Variants in SPAG17 observed in about 807,000 individuals in gnomAD.
SPAG17 encodes sperm-associated antigen 17.
A neutral mutation model predicts 273.6 loss-of-function variants in SPAG17; 169 were observed. That is an observed-to-expected ratio of 0.62 (90% confidence interval 0.55 to 0.70). The LOEUF (loss-of-function observed/expected upper bound fraction) is 0.70, where lower values mean the gene tolerates loss of function less well. SPAG17 is among the 30% of genes least tolerant of loss of function. SPAG17 has a pLI of 0.00. For missense variants in SPAG17, 2,557 were observed against 2,627.8 expected (o/e 0.97, Z 0.59); for synonymous variants, 825 against 873.2 (o/e 0.94, Z 0.97).
intron 20 of SPAG17, among the ~76,000 whole-genome samples, chr1:118,045,842 G>A (rs1364471267): frequency 6.6e-6 from 1 of 152,072 alleles, no homozygotes; most frequent in Non-Finnish European, 1.5e-5. Flanking sequence ...GTTGGTGTTC[G>A]GAAAGTTGCA....
At chr1:118,119,043 A>G (rs1254120354) in intron 3 of SPAG17, among the ~76,000 whole-genome samples, 1 of 152,184 alleles carries the variant, frequency 6.6e-6, no homozygotes, top group East Asian at 1.9e-4. Context: ...TCCCTACATT[A>G]GTAAGCACAA....
In SPAG17 at chr1:117,953,807, A is replaced by G. The variant is rs763317112; in HGVS notation, c.*243T>C. ...ATATCATCCCACCTGAGTCCATGAC[A>G]CTCAGTCTCTTCCCTGTACATTAAA... On this transcript the variant is annotated 3_prime_UTR_variant, in exon 49 of 49. Coordinates refer to ENST00000336338, the MANE Select transcript of SPAG17 (RefSeq NM_206996.4). The G allele has an allele frequency of 3.3e-6, 2 of 605,674 alleles. No individual in the cohort carries two copies. Among genetic ancestry groups the G allele is most frequent in the Non-Finnish European group, 5.7e-6 (2 of 348,066 alleles). 37.5% of individuals were successfully genotyped at this position (605,674 alleles called of 1,614,324 possible).
At chr1:118,034,350 ACTGTGG>A (rs1281796631) in intron 24 of SPAG17, among the ~76,000 whole-genome samples, 4 of 152,230 alleles carry the variant, frequency 2.6e-5, no homozygotes, top group East Asian at 3.9e-4. Flanking sequence ...TGTACAGTCT[ACTGTGG>A]CTATACTGAA....
chr1:118,081,676 G>A (rs1410388516), intron 13 of SPAG17, 34 bp from the exon 14 acceptor site: 4 of 1,554,052 alleles, frequency 2.6e-6, no homozygotes, highest in African/African-American at 1.4e-5. Flanking sequence ...TGCTGGAAAT[G>A]TTCTTATTAG....
intron 19 of SPAG17, among the ~76,000 whole-genome samples, chr1:118,055,172 CACA>C (rs1651520466): frequency 1.3e-5 from 2 of 152,018 alleles, no homozygotes; most frequent in Admixed American, 6.6e-5. Context: ...TCACCACCAC[CACA>C]ACATCATCAA....
chr1:117,958,159 A>G (rs751506652), intron 48 of SPAG17, among the ~76,000 whole-genome samples: 6 of 152,204 alleles, frequency 3.9e-5, no homozygotes, highest in Non-Finnish European at 7.3e-5. Context: ...TTAAACAGGT[A>G]TATGTAGTGA....
rs761353157 is a variant in SPAG17, at chr1:117,984,725, T to C, written c.5727A>G (p.Pro1909=). The part of the protein sequence containing the change: ...YLMDIKNRII[P]PFFKSELNQL... The stretch of plus-strand genomic sequence containing the variant: ...GGTTCAATTCAGATTTAAAAAAGGG[T>C]GGTATTATGCGGTTCTTAATATCCA... Residue 1909 remains proline (P), a synonymous_variant, in exon 41 of 49, where the codon CCA becomes CCG. Coordinates refer to ENST00000336338, the MANE Select transcript of SPAG17 (RefSeq NM_206996.4). 6.2e-7 allele frequency: 1 copy of C among 1,611,368 alleles called. No individual in the cohort carries two copies. The highest frequency in any genetic ancestry group is 1.1e-5 in the South Asian group (1 of 90,754).
At chr1:117,962,399 C>T (rs543598235) in intron 48 of SPAG17, 5 of 152,196 alleles carry the variant, frequency 3.3e-5, no homozygotes, top group South Asian at 4.1e-4. Flanking sequence ...AATATAAAAA[C>T]CATCTAATGA....
At chr1:118,027,527 G>C (rs1257417617) in intron 26 of SPAG17, among the ~76,000 whole-genome samples, 1 of 152,106 alleles carries the variant, frequency 6.6e-6, no homozygotes, top group Non-Finnish European at 1.5e-5. Context: ...GAGACCCTAA[G>C]TAACTTAAAA....
At position 118,160,453 on chromosome 1, in the gene SPAG17, A is replaced by T. The variant is rs571916218; in HGVS notation, c.88-9084T>A. Among the ~76,000 whole-genome samples the T allele has an allele frequency of 2.0e-5, 3 of 152,352 alleles. No individual in the cohort carries two copies. In the East Asian group the frequency reaches 5.8e-4, roughly 29 times the overall value. On this transcript the variant is annotated intron_variant, in intron 1 of 48. Coordinates refer to ENST00000336338, the MANE Select transcript of SPAG17 (RefSeq NM_206996.4). ...ACTAGGGCTACCCAGAAGAAACAAA[A>T]TAACCGACCAATACTCATTCTCATG...
At chr1:118,107,074 A>G (rs564633713) in intron 4 of SPAG17, among the ~76,000 whole-genome samples, 2 of 152,166 alleles carry the variant, frequency 1.3e-5, no homozygotes, top group African/African-American at 4.8e-5. Context: ...CTTTAATTTG[A>G]TCTCACAAGG....
At position 118,025,433 on chromosome 1, in the gene SPAG17, G is replaced by A. The variant is rs1181162000; in HGVS notation, c.3731-17C>T. 5.3e-6 allele frequency: 8 copies of A among 1,506,972 alleles called. No individual in the cohort carries two copies. The highest frequency in any genetic ancestry group is 1.4e-5 in the African/African-American group (1 of 70,650). 93.4% of individuals were successfully genotyped at this position (1,506,972 alleles called of 1,614,324 possible). On this transcript the variant is annotated splice_polypyrimidine_tract_variant and intron_variant, in intron 26 of 48. Coordinates refer to ENST00000336338, the MANE Select transcript of SPAG17 (RefSeq NM_206996.4). ...CATATTGACCTAAAAAAAGAATAAA[G>A]CCTTCTTGTGAACTGGACAATGCTG...
At chr1:118,057,585 C>T (rs1249849588) in intron 18 of SPAG17, among the ~76,000 whole-genome samples, 1 of 152,012 alleles carries the variant, frequency 6.6e-6, no homozygotes, top group Non-Finnish European at 1.5e-5. Context: ...GAAAGCTTAT[C>T]ACACATAGGT....
intron 25 of SPAG17, among the ~76,000 whole-genome samples, chr1:118,029,858 C>T (rs868249272): frequency 1.4e-4 from 22 of 152,004 alleles, no homozygotes; most frequent in South Asian, 6.2e-4. Flanking sequence ...TTCTTTGTCA[C>T]TAACAGAGGA....
chr1:118,028,485 A>G (rs1648044812), intron 25 of SPAG17, 91 bp from the exon 26 acceptor site: 2 of 1,520,192 alleles, frequency 1.3e-6, no homozygotes, highest in Non-Finnish European at 1.8e-6. Flanking sequence ...CTGAGTGCTC[A>G]GGACATGACT....
intron 3 of SPAG17, among the ~76,000 whole-genome samples, chr1:118,148,033 C>T (rs1355190962): frequency 3.9e-5 from 6 of 152,132 alleles, no homozygotes; most frequent in African/African-American, 1.4e-4. Flanking sequence ...TGTTTAAATG[C>T]ATGGCTGTTA....
intron 43 of SPAG17, among the ~76,000 whole-genome samples, chr1:117,979,328 T>C (rs1256817466): frequency 6.6e-6 from 1 of 152,172 alleles, no homozygotes; most frequent in Non-Finnish European, 1.5e-5. Flanking sequence ...AGCCTCACAA[T>C]CAGTTTAACC....
intron 28 of SPAG17, 128 bp from the exon 29 acceptor site, chr1:118,016,310 T>C: frequency 1.4e-6 from 1 of 695,860 alleles, no homozygotes. Flanking sequence ...CTAAGTGGTA[T>C]TCATCAATTA....
intron 29 of SPAG17, among the ~76,000 whole-genome samples, chr1:118,012,821 CG>C (rs1557905959): frequency 6.6e-6 from 1 of 152,194 alleles, no homozygotes; most frequent in African/African-American, 2.4e-5. Context: ...CTGCAAGTGT[CG>C]GGCTAATGTC....
Sources: allele counts gnomAD v4.1 joint callset (sites outside exome capture counted in the v4.1 genomes callset), GRCh38; gene constraint gnomAD v4.1.1; transcripts MANE v1.5; gene names NCBI Gene and HGNC (gene_info 2026-07-23, HGNC 2026-07-21).